Variants in URB1 observed in about 807,000 individuals in gnomAD.
The protein encoded by URB1 is URB1 ribosome biogenesis factor, also known as nucleolar pre-ribosomal-associated protein 1.
A neutral mutation model predicts 242.3 loss-of-function variants in URB1; 197 were observed. That is an observed-to-expected ratio of 0.81 (90% CI 0.72 to 0.91). URB1 has a LOEUF of 0.91. Among genes scored for constraint, URB1 ranks in the 40% least tolerant of loss-of-function variants. The pLI, the probability that URB1 is intolerant of heterozygous loss-of-function variation, is 0.00. For synonymous variants in URB1, 1,153 were observed against 1,201.8 expected, an observed-to-expected ratio of 0.96 and a Z score of 0.84; for missense variants, 2,721 against 2,860.5, an observed-to-expected ratio of 0.95 and a Z score of 1.11.
intron 23 of URB1, 85 bp from the exon 24 acceptor site, chr21:32,344,841 T>C: frequency 7.1e-7 from 1 of 1,416,806 alleles, no homozygotes; most frequent in Non-Finnish European, 9.4e-7. Flanking sequence ...CAAAGAGCCA[T>C]ATGGGATAGA....
At chr21:32,337,212 T>C (rs1479565520) in intron 27 of URB1, 55 bp from the exon 28 acceptor site, 2 of 1,529,812 alleles carry the variant, frequency 1.3e-6, no homozygotes, top group African/African-American at 2.8e-5. Context: ...ACCCTCCTGC[T>C]GCTCCCACCA....
rs1419796099 is a variant in URB1, at chr21:32,352,892, T to A, written c.2431A>T (p.Thr811Ser). 1.3e-6 allele frequency: 2 copies of A among 1,547,892 alleles called. No individual in the cohort carries two copies. Among genetic ancestry groups the A allele is most frequent in the Admixed American group, 2.0e-5 (1 of 50,758 alleles). Residue 811 changes from threonine to serine, a missense_variant, in exon 19 of 39, where the codon ACA becomes TCA. Physicochemically the swap from Thr to Ser is moderately conservative, Grantham distance 58 (BLOSUM62 1). Coordinates refer to ENST00000382751, the MANE Select transcript of URB1 (RefSeq NM_014825.3). ...TGNEAAENVVTYLTAVLTDLL... is the reference protein window; with the variant it reads ...TGNEAAENVVSYLTAVLTDLL... ...TCAGTCAGCACTGCCGTCAGATATG[T>A]CACAACGTTTTCCGCTGCAAAGGAA...
In URB1 at chr21:32,368,393, GT is replaced by G. The variant is rs11323440; in HGVS notation, c.1197+9del. 0.11 allele frequency: 163,587 copies of G among 1,527,504 alleles called. 10,457 individuals carry two copies. Among genetic ancestry groups the G allele is most frequent in the African/African-American group, 0.28 (20,455 of 72,106 alleles). 94.6% of individuals were successfully genotyped at this position (1,527,504 alleles called of 1,614,324 possible). A position where few individuals can be genotyped will look rare whatever the true frequency, so the allele number is the denominator to read the frequency against. ...TAGCTAACAGACTTTTAAATATCAT[GT>G]TTTTTTACCTTGTTTAGTAGTTTGA... On this transcript the variant is annotated intron_variant, in intron 9 of 38. Transcript: ENST00000382751.
In URB1 at chr21:32,314,313, T is replaced by C. The variant is rs187926150; in HGVS notation, c.*605A>G. 2.2e-4 allele frequency: 91 copies of C among 423,204 alleles called. No homozygotes were observed. The Admixed American group carries it at 3.0e-3, about 14-fold the overall frequency. The allele number at this position is 423,204 out of a possible 1,614,324, so 26.2% of individuals were successfully genotyped here. The stretch of plus-strand genomic sequence containing the variant: ...GATTCCCCTGCCTTAGCCTCCCGAG[T>C]AGCTGGAATTACAGGTGTGCGCTAC... On this transcript the variant is annotated 3_prime_UTR_variant, in exon 39 of 39. Coordinates refer to ENST00000382751, the MANE Select transcript of URB1 (RefSeq NM_014825.3).
intron 25 of URB1, 144 bp from the exon 26 acceptor site, chr21:32,339,044 G>C (rs948383766): frequency 1.1e-6 from 1 of 903,558 alleles, no homozygotes. Context: ...GCCCAGGCTG[G>C]AGTACAGTGG....
intron 13 of URB1, among the ~76,000 whole-genome samples, chr21:32,360,319 C>T (rs1253670983): frequency 6.6e-6 from 1 of 152,228 alleles, no homozygotes; most frequent in African/African-American, 2.4e-5. Flanking sequence ...CATCCTCTAG[C>T]CGGCTCTCTG....
intron 4 of URB1, among the ~76,000 whole-genome samples, chr21:32,379,072 C>T (rs2033492603): frequency 6.6e-6 from 1 of 152,246 alleles, no homozygotes. Context: ...TGTCACGTTA[C>T]TAACCCTGTT....
chr21:32,385,435 T>C (rs1382896522), intron 2 of URB1, 110 bp downstream of exon 2: 8 of 1,426,824 alleles, frequency 5.6e-6, no homozygotes, highest in Non-Finnish European at 6.5e-6. Context: ...CAAAGCATCA[T>C]TTTCTATAGA....
intron 13 of URB1, 66 bp downstream of exon 13, chr21:32,360,941 G>T (rs1475041332): frequency 4.3e-6 from 5 of 1,172,624 alleles, no homozygotes; most frequent in Non-Finnish European, 6.0e-6. Flanking sequence ...ATTCTTGGCT[G>T]CAGGGCTCTG....
chr21:32,323,884 G>A (rs896034218), intron 32 of URB1, among the ~76,000 whole-genome samples: 2 of 152,138 alleles, frequency 1.3e-5, no homozygotes, highest in African/African-American at 2.4e-5. Context: ...GATTACCTGA[G>A]CCTGGGAGGT....
chr21:32,335,039 C>G (rs138531158), intron 28 of URB1, among the ~76,000 whole-genome samples: 1 of 152,266 alleles, frequency 6.6e-6, no homozygotes, highest in East Asian at 1.9e-4. Context: ...GCTGCCAGGC[C>G]GCTCCCCAGA....
rs1378581354 is a variant in URB1 at position 32,325,291 on chromosome 21, A to G, written c.5059T>C (p.Tyr1687His). 1 of 1,551,748 alleles carries G rather than the reference A, an allele frequency of 6.4e-7. No individual in the cohort carries two copies. ...GAGTAGTAGGCCGCCAGGACATGGT[A>G]GGCTATGGCTCGCATCTGGGGGTCA... ...SYDPQMRAIA[Y>H]HVLAAYYSHL... Residue 1687 changes from tyrosine (Y) to histidine (H), a missense_variant, in exon 31 of 39, where the codon TAC (tyrosine) becomes CAC (histidine). Coordinates refer to ENST00000382751, the MANE Select transcript of URB1 (RefSeq NM_014825.3).
chr21:32,316,761 G>A lies in URB1; in HGVS notation c.6339C>T (p.Leu2113=). 1.0e-5 allele frequency: 16 copies of A among 1,550,760 alleles called. No homozygotes were observed. The highest frequency in any genetic ancestry group is 1.4e-5 in the Non-Finnish European group (16 of 1,146,560). The change falls in exon 38 of 39, where the codon CTC becomes CTT. Residue 2113 remains leucine, a synonymous_variant. Coordinates refer to ENST00000382751, the MANE Select transcript of URB1 (RefSeq NM_014825.3). ...WVLRSVAEHP[L]SRAEAAGLIG... ...TGAGTCCTGCAGCCTCTGCCCTGCT[G>A]AGCGGGTGCTCGGCCACCGACCGCA...
chr21:32,328,058 A>G (rs966155438), intron 30 of URB1, among the ~76,000 whole-genome samples: 1 of 152,248 alleles, frequency 6.6e-6, no homozygotes, highest in African/African-American at 2.4e-5. Flanking sequence ...ATCAAGACAT[A>G]GACTAAAAGT....
At chr21:32,363,082 C>T (rs559548640) in intron 11 of URB1, 74 bp downstream of exon 11, 4 of 1,497,830 alleles carry the variant, frequency 2.7e-6, no homozygotes, top group South Asian at 2.7e-5. Flanking sequence ...TTGGCTTCCA[C>T]CCTAGGGCTG....
Position 32,311,589 on chromosome 21 carries a change from C to G in URB1, c.*3329G>C. 1 of 1,526,612 alleles carries G rather than the reference C, an allele frequency of 6.6e-7. No homozygotes were observed. Among genetic ancestry groups the G allele is most frequent in the Non-Finnish European group, 8.8e-7 (1 of 1,135,326 alleles). 94.6% of individuals were successfully genotyped at this position (1,526,612 alleles called of 1,614,324 possible). ...TGTGGCCTTCCCTATGGGGTCCGGGCAGATGGCAGGTGTGGCAGGAAACCC... is the reference window on the plus strand; with the variant it reads ...TGTGGCCTTCCCTATGGGGTCCGGGGAGATGGCAGGTGTGGCAGGAAACCC... On this transcript the variant is annotated 3_prime_UTR_variant, in exon 39 of 39. Transcript: ENST00000382751.
intron 30 of URB1, among the ~76,000 whole-genome samples, chr21:32,330,826 T>C (rs543106447): frequency 9.2e-5 from 14 of 152,230 alleles, no homozygotes; most frequent in Non-Finnish European, 1.5e-4. Flanking sequence ...GACATTTGTA[T>C]GAAATGCCCC....
intron 24 of URB1, among the ~76,000 whole-genome samples, chr21:32,342,641 T>G (rs2033042804): frequency 8.5e-4 from 1 of 1,180 alleles, no homozygotes; most frequent in South Asian, 0.031. Flanking sequence ...GGTGGTCTCC[T>G]GCTCCAGGAA....
chr21:32,349,391 G>A lies in URB1; in HGVS notation c.2925C>T (p.Asn975=). ...VVHCEQLDAQ[N]QQRCEAARAE... ...CCCGGGCGGCCTCGCATCTCTGCTG[G>A]TTCTGGGCATCCAGCTGCTCACAGT... The change falls in exon 21 of 39, where the codon AAC becomes AAT. Residue 975 remains asparagine (N), a synonymous_variant. Coordinates refer to ENST00000382751, the MANE Select transcript of URB1 (RefSeq NM_014825.3). 6.4e-7 allele frequency: 1 copy of A among 1,551,540 alleles called. No individual in the cohort carries two copies. Among genetic ancestry groups the A allele is most frequent in the Non-Finnish European group, 8.7e-7 (1 of 1,146,994 alleles).
Sources: allele counts gnomAD v4.1 joint callset (sites outside exome capture counted in the v4.1 genomes callset), GRCh38; gene constraint gnomAD v4.1.1; transcripts MANE v1.5; gene names NCBI Gene and HGNC (gene_info 2026-07-23, HGNC 2026-07-21).